ENOX2: variants seen among roughly 807,000 people sequenced by gnomAD.
ENOX2 encodes APK1 antigen.
ENOX2 carries 36 observed loss-of-function variants against 45.0 expected under a neutral mutation model. The ratio of observed to expected loss-of-function variants is 0.80; its 90% CI spans 0.61 to 1.06. The LOEUF is 1.06. Ranked by LOEUF, ENOX2 falls within the 50% of genes least tolerant of loss-of-function variation. The probability of loss-of-function intolerance (pLI) is 0.00; values close to 1 mark genes in which losing one functional copy is unlikely to be tolerated. For missense variants in ENOX2, 423 were observed against 462.5 expected (o/e 0.91, Z 0.78); for synonymous variants, 174 against 152.3 (o/e 1.14, Z -1.05).
chrX:130,767,120 A>G (rs1190840330), intron 3 of ENOX2, among the ~76,000 whole-genome samples: 1 of 111,767 alleles, frequency 8.9e-6, no homozygotes, highest in African/African-American at 3.2e-5. Context: ...GGTAGGGTCA[A>G]GGATACTGTT....
intron 3 of ENOX2, among the ~76,000 whole-genome samples, chrX:130,747,380 TA>T (rs904088506): frequency 2.7e-5 from 3 of 111,125 alleles, no homozygotes; most frequent in South Asian, 3.8e-4. Context: ...GTCTGAATAA[TA>T]AAAAAAATGG....
chrX:130,818,004 A>G (rs1446308952), intron 2 of ENOX2, among the ~76,000 whole-genome samples: 1 of 112,097 alleles, frequency 8.9e-6, no homozygotes, highest in Admixed American at 9.5e-5. Flanking sequence ...ACATGATTGT[A>G]TATTTAGAAA....
At chrX:130,749,172 A>C (rs2039158806) in intron 3 of ENOX2, among the ~76,000 whole-genome samples, 1 of 112,053 alleles carries the variant, frequency 8.9e-6, no homozygotes, top group Non-Finnish European at 1.9e-5. Context: ...AGTCCCTTGA[A>C]GACATTTAAA....
intron 2 of ENOX2, among the ~76,000 whole-genome samples, chrX:130,811,893 C>T (rs1455569428): frequency 9.0e-6 from 1 of 111,483 alleles, no homozygotes; most frequent in Non-Finnish European, 1.9e-5. Context: ...AACAAACAAA[C>T]AAATTCTGGA....
intron 3 of ENOX2, among the ~76,000 whole-genome samples, chrX:130,711,391 T>C (rs2038186256): frequency 9.0e-6 from 1 of 111,251 alleles, no homozygotes; most frequent in Non-Finnish European, 1.9e-5. Flanking sequence ...ATCACGGTGA[T>C]GCAGGTGAGA....
chrX:130,682,583 CAAAAAAAAAAAAAA>C (rs55875735), intron 5 of ENOX2, among the ~76,000 whole-genome samples: 350 of 14,670 alleles, frequency 0.024, 8 homozygotes, highest in African/African-American at 0.065. Context: ...GACTCCGTCT[CAAAAAAAAAAAAAA>C]AAAAAAAAAA....
intron 10 of ENOX2, among the ~76,000 whole-genome samples, chrX:130,638,982 G>A (rs2036010698): frequency 9.0e-6 from 1 of 111,020 alleles, no homozygotes; most frequent in Non-Finnish European, 1.9e-5. Context: ...GTGAGACTCA[G>A]TCTTGGAAAA....
chrX:130,766,552 A>AT (rs1481483588), intron 3 of ENOX2, among the ~76,000 whole-genome samples: 1 of 111,658 alleles, frequency 9.0e-6, no homozygotes, highest in Non-Finnish European at 1.9e-5. Context: ...ATTCTATGAT[A>AT]TTTTCTATTA....
intron 2 of ENOX2, among the ~76,000 whole-genome samples, chrX:130,786,603 T>A (rs1364259153): frequency 1.1e-5 from 1 of 92,663 alleles, no homozygotes; most frequent in Non-Finnish European, 2.1e-5. Context: ...CCTTCCTGTG[T>A]TCATGTGATC....
intron 4 of ENOX2, among the ~76,000 whole-genome samples, chrX:130,700,776 T>A (rs1219391223): frequency 1.8e-5 from 2 of 111,916 alleles, no homozygotes; most frequent in Non-Finnish European, 3.8e-5. Flanking sequence ...TAGGACACTA[T>A]CATTATCTCC....
intron 2 of ENOX2, among the ~76,000 whole-genome samples, chrX:130,888,521 C>T (rs2078942383): frequency 9.0e-6 from 1 of 111,722 alleles, no homozygotes; most frequent in Non-Finnish European, 1.9e-5. Flanking sequence ...CCTATCCTGA[C>T]TGTCTCACAG....
chrX:130,678,570 C>T (rs964251370), intron 6 of ENOX2, among the ~76,000 whole-genome samples: 4 of 109,754 alleles, frequency 3.6e-5, no homozygotes, highest in Middle Eastern at 4.6e-3. Flanking sequence ...TATTTTGGAA[C>T]GCTCTTCCCC....
At chrX:130,796,678 T>C (rs2077134384) in intron 2 of ENOX2, among the ~76,000 whole-genome samples, 2 of 112,059 alleles carry the variant, frequency 1.8e-5, no homozygotes, top group Non-Finnish European at 3.8e-5. Flanking sequence ...AAACACTTAA[T>C]AGATTCCTTT....
At chrX:130,694,212 G>C (rs1180885706) in intron 4 of ENOX2, among the ~76,000 whole-genome samples, 1 of 112,355 alleles carries the variant, frequency 8.9e-6, no homozygotes, top group Non-Finnish European at 1.9e-5. Context: ...AGAATATCCA[G>C]CATGGCTGCA....
At chrX:130,764,863 G>T (rs1432232179) in intron 3 of ENOX2, among the ~76,000 whole-genome samples, 1 of 111,562 alleles carries the variant, frequency 9.0e-6, no homozygotes, top group East Asian at 2.8e-4. Context: ...ATGTTTAGTG[G>T]ATTTATAAAA....
intron 10 of ENOX2, chrX:130,645,716 C>T (rs968527381): frequency 6.2e-5 from 45 of 725,997 alleles, no homozygotes; most frequent in Admixed American, 5.0e-4. Context: ...CCCACATCCA[C>T]GCTGGGATGG....
intron 4 of ENOX2, among the ~76,000 whole-genome samples, chrX:130,702,500 A>T (rs1371440365): frequency 1.8e-5 from 2 of 112,086 alleles, no homozygotes; most frequent in Admixed American, 1.9e-4. Flanking sequence ...ATTTATTGTA[A>T]TAATTAATTA....
intron 10 of ENOX2, among the ~76,000 whole-genome samples, chrX:130,650,284 G>C (rs2036364637): frequency 9.0e-6 from 1 of 111,654 alleles, no homozygotes; most frequent in Non-Finnish European, 1.9e-5. Context: ...TTTGTCCTGG[G>C]GGAAAGGGCA....
intron 7 of ENOX2, among the ~76,000 whole-genome samples, chrX:130,668,397 C>G (rs138882778): frequency 0.012 from 1,373 of 111,961 alleles, 21 homozygotes; most frequent in African/African-American, 0.043. Flanking sequence ...CTCAGTCCCA[C>G]TCACAATCTA....
Sources: allele counts gnomAD v4.1 joint callset (sites outside exome capture counted in the v4.1 genomes callset), GRCh38; gene constraint gnomAD v4.1.1; transcripts MANE v1.5; gene names NCBI Gene and HGNC (gene_info 2026-07-23, HGNC 2026-07-21).